USP34: variants seen among roughly 807,000 people sequenced by gnomAD.
USP34 encodes the protein ubiquitin specific peptidase 34, also known as ubiquitin carboxyl-terminal hydrolase 34.
USP34 carries 70 observed loss-of-function variants against 460.3 expected under a neutral mutation model. The ratio of observed to expected loss-of-function variants is 0.15; its 90% CI spans 0.13 to 0.19. The LOEUF is 0.19. Ranked by LOEUF, USP34 falls within the 10% of genes least tolerant of loss-of-function variation. The pLI is 1.00. For synonymous variants in USP34, 1,647 were observed against 1,405.3 expected (o/e 1.17, Z -3.85); for missense variants, 3,985 against 4,236.2 (o/e 0.94, Z 1.65).
At chr2:61,283,484 T>C (rs751262491) in intron 35 of USP34, 35 bp from the exon 36 acceptor site, 1 of 1,585,200 alleles carries the variant, frequency 6.3e-7, no homozygotes, top group East Asian at 2.2e-5. Flanking sequence ...ACCAATTAAA[T>C]TCAGCAATGA....
At chr2:61,452,454 G>C (rs1254268351) in intron 1 of USP34, among the ~76,000 whole-genome samples, 1 of 150,532 alleles carries the variant, frequency 6.6e-6, no homozygotes, top group Non-Finnish European at 1.5e-5. Context: ...CCTCCCAAGT[G>C]GCTGGGATTA....
Position 61,229,483 on chromosome 2 carries a change from A to C in USP34, c.7199+65T>G, listed in dbSNP as rs1239871365. On this transcript the variant is annotated intron_variant, in intron 59 of 79. Transcript: ENST00000398571. The stretch of plus-strand genomic sequence containing the variant: ...AAAAAAAAAAAAAAAAAACAAAAAA[A>C]AAAAACAAAAACACCACACACACAC... 3.6e-5 allele frequency: 29 copies of C among 805,774 alleles called. 1 individual carries two copies. Among genetic ancestry groups the C allele is most frequent in the African/African-American group, 3.5e-4 (19 of 53,608 alleles). The allele number at this position is 805,774 out of a possible 1,614,324, so 49.9% of individuals were successfully genotyped here. A position where few individuals can be genotyped will look rare whatever the true frequency, so the allele number is the denominator to read the frequency against.
At chr2:61,412,286 G>GA (rs11446796) in intron 2 of USP34, among the ~76,000 whole-genome samples, 80,640 of 150,200 alleles carry the variant, frequency 0.54, 21,848 homozygotes, top group South Asian at 0.73. Context: ...ATACAAAAAG[G>GA]AAAAAAAGAT....
At chr2:61,415,521 A>C (rs1177813378) in intron 2 of USP34, among the ~76,000 whole-genome samples, 1 of 152,230 alleles carries the variant, frequency 6.6e-6, no homozygotes, top group Non-Finnish European at 1.5e-5. Context: ...ATATATCATA[A>C]CTGGAAGTTC....
intron 15 of USP34, among the ~76,000 whole-genome samples, chr2:61,345,167 G>A (rs1169124608): frequency 2.6e-5 from 4 of 151,958 alleles, no homozygotes; most frequent in African/African-American, 7.3e-5. Context: ...ACAGCTACTC[G>A]GGAGGCTGAG....
chr2:61,387,928 T>TACACACACACACACACACAC (rs36116916), intron 5 of USP34, among the ~76,000 whole-genome samples: 5 of 142,606 alleles, frequency 3.5e-5, no homozygotes, highest in African/African-American at 1.0e-4. Flanking sequence ...AATATATTTA[T>TACACACACACACACACACAC]ACACACACAC....
At chr2:61,411,456 T>C (rs1434822234) in intron 2 of USP34, among the ~76,000 whole-genome samples, 2 of 152,036 alleles carry the variant, frequency 1.3e-5, no homozygotes, top group Non-Finnish European at 1.5e-5. Flanking sequence ...CCTCCTCAAG[T>C]ACCCTTCCTA....
chr2:61,432,525 T>G (rs1694707685), intron 1 of USP34, among the ~76,000 whole-genome samples: 1 of 151,824 alleles, frequency 6.6e-6, no homozygotes, highest in South Asian at 2.1e-4. Flanking sequence ...GTGTCTCTAG[T>G]TCCAACTATT....
chr2:61,283,685 T>C (rs1379544684), intron 35 of USP34, among the ~76,000 whole-genome samples: 1 of 152,046 alleles, frequency 6.6e-6, no homozygotes, highest in African/African-American at 2.4e-5. Context: ...GGCATGATCA[T>C]GGCTCACTGC....
Position 61,214,585 on chromosome 2 carries a change from G to A in USP34, c.8157C>T (p.Asp2719=). ...AGACCTGATGTAGGACTACTGTTGT[G>A]TCTGGACTGAGTGGAAGGTCACGGG... ...IPTRDLPLSP[D]TTVVLHQVYN... Residue 2719 remains aspartate, a synonymous_variant, in exon 68 of 80, where the codon GAC becomes GAT. Transcript: ENST00000398571. 2 of 1,614,064 alleles carry A rather than the reference G, an allele frequency of 1.2e-6. No individual in the cohort carries two copies. Among genetic ancestry groups the A allele is most frequent in the Non-Finnish European group, 1.7e-6 (2 of 1,179,952 alleles).
intron 8 of USP34, among the ~76,000 whole-genome samples, chr2:61,374,176 A>G: frequency 6.6e-6 from 1 of 151,602 alleles, no homozygotes. Context: ...AAAAAAAAAA[A>G]AACAGAGAAA....
intron 41 of USP34, among the ~76,000 whole-genome samples, chr2:61,268,284 C>T (rs1689112402): frequency 1.3e-5 from 2 of 151,794 alleles, no homozygotes; most frequent in South Asian, 4.2e-4. Context: ...AATCCCATTT[C>T]ACCACATCTA....
At chr2:61,413,790 C>A (rs1180749143) in intron 2 of USP34, among the ~76,000 whole-genome samples, 1 of 145,510 alleles carries the variant, frequency 6.9e-6, no homozygotes, top group African/African-American at 2.6e-5. Context: ...CCAGCCTGGG[C>A]AACATGGGGA....
At chr2:61,373,348 G>C (rs1692689522) in intron 8 of USP34, among the ~76,000 whole-genome samples, 1 of 150,856 alleles carries the variant, frequency 6.6e-6, no homozygotes, top group African/African-American at 2.4e-5. Context: ...CTCTAATCAA[G>C]GCAGAGATTA....
At chr2:61,366,590 G>T (rs1472755874) in intron 10 of USP34, among the ~76,000 whole-genome samples, 2 of 152,124 alleles carry the variant, frequency 1.3e-5, no homozygotes, top group Admixed American at 6.5e-5. Context: ...CCTACAACCT[G>T]AAATGAAAGC....
intron 44 of USP34, among the ~76,000 whole-genome samples, chr2:61,257,808 G>A (rs1381492259): frequency 1.3e-5 from 2 of 152,194 alleles, no homozygotes; most frequent in Non-Finnish European, 2.9e-5. Context: ...TCAGGAGGCA[G>A]AGGTTGCAGT....
At chr2:61,197,811 G>C (rs1686852882) in intron 75 of USP34, among the ~76,000 whole-genome samples, 1 of 152,204 alleles carries the variant, frequency 6.6e-6, no homozygotes, top group Admixed American at 6.5e-5. Context: ...TCAGGCTGGA[G>C]TGCAGTGGCT....
chr2:61,265,765 G>T, intron 42 of USP34: 1 of 677,512 alleles, frequency 1.5e-6, no homozygotes, highest in Non-Finnish European at 2.1e-6. Flanking sequence ...ATTTTACTTG[G>T]CCCCAAATTA....
At chr2:61,454,747 C>T (rs1477414140) in intron 1 of USP34, among the ~76,000 whole-genome samples, 2 of 151,772 alleles carry the variant, frequency 1.3e-5, no homozygotes, top group African/African-American at 4.8e-5. Flanking sequence ...ATGGGTTTCA[C>T]CATGTTGACC....
Sources: gnomAD v4.1 joint callset for allele counts (sites outside exome capture counted in the v4.1 genomes callset) on GRCh38, gnomAD v4.1.1 for gene constraint, MANE v1.5 for transcripts, NCBI Gene and HGNC (gene_info 2026-07-23, HGNC 2026-07-21) for gene names.